THSD7B: variants seen among roughly 807,000 people sequenced by gnomAD.
THSD7B encodes the protein thrombospondin type 1 domain containing 7B, also known as thrombospondin type-1 domain-containing protein 7B.
THSD7B carries 138 observed loss-of-function variants against 213.6 expected under a neutral mutation model. The ratio of observed to expected loss-of-function variants is 0.65; its 90% confidence interval spans 0.56 to 0.74. The LOEUF is 0.74. Among genes scored for constraint, THSD7B ranks in the 30% least tolerant of loss-of-function variants. THSD7B has a pLI of 0.00. For missense variants in THSD7B, 1,931 were observed against 1,991.5 expected (o/e 0.97, Z 0.58); for synonymous variants, 742 against 687.0 (o/e 1.08, Z -1.25).
chr2:137,121,118 T>G (rs1688538886), intron 5 of THSD7B, among the ~76,000 whole-genome samples: 1 of 152,194 alleles, frequency 6.6e-6, no homozygotes, highest in African/African-American at 2.4e-5. Flanking sequence ...AGGAAATGTT[T>G]ATTGAATTAA....
chr2:136,900,346 T>G (rs485445), intron 2 of THSD7B, among the ~76,000 whole-genome samples: 65,643 of 151,946 alleles, frequency 0.43, 15,722 homozygotes, highest in Non-Finnish European at 0.55. Context: ...AGCTAAAAAG[T>G]TTCCTTTGGC....
chr2:137,649,243 T>G (rs1002708655), intron 21 of THSD7B, among the ~76,000 whole-genome samples: 1 of 152,176 alleles, frequency 6.6e-6, no homozygotes, highest in African/African-American at 2.4e-5. Context: ...CTTTGTTGAT[T>G]GTTTGCTATG....
At chr2:137,584,795 C>T (rs1681680230) in intron 17 of THSD7B, among the ~76,000 whole-genome samples, 1 of 152,074 alleles carries the variant, frequency 6.6e-6, no homozygotes, top group African/African-American at 2.4e-5. Flanking sequence ...GTCTAAAATT[C>T]TCTTTTTTTG....
chr2:137,424,420 A>C (rs1213531683), intron 14 of THSD7B, among the ~76,000 whole-genome samples: 1 of 152,196 alleles, frequency 6.6e-6, no homozygotes, highest in Non-Finnish European at 1.5e-5. Flanking sequence ...CGAAAAGGAC[A>C]CTATGAGAAA....
Position 137,397,589 on chromosome 2 carries a change from C to T in THSD7B, c.2501-8024C>T, listed in dbSNP as rs958936827. ...GTAACCCGACCTTTCTCTCTGGCTGCTCTTAACATTTTTTCCTTCATTTCA... is the reference window on the plus strand; with the variant it reads ...GTAACCCGACCTTTCTCTCTGGCTGTTCTTAACATTTTTTCCTTCATTTCA... On this transcript the variant is annotated intron_variant, in intron 12 of 27. Transcript: ENST00000409968. 9.1e-4 allele frequency among the ~76,000 whole-genome samples: 137 copies of T among 151,256 alleles called. 2 individuals carry two copies. The East Asian group carries it at 0.023, about 25-fold the overall frequency.
intron 17 of THSD7B, among the ~76,000 whole-genome samples, chr2:137,599,430 T>A (rs1375177068): frequency 2.6e-5 from 4 of 151,702 alleles, no homozygotes; most frequent in Non-Finnish European, 5.9e-5. Context: ...TCAAAACCAC[T>A]ATGAGATATC....
At chr2:137,351,665 T>A (rs1160938130) in intron 12 of THSD7B, among the ~76,000 whole-genome samples, 1 of 151,896 alleles carries the variant, frequency 6.6e-6, no homozygotes, top group Non-Finnish European at 1.5e-5. Context: ...GAAGCCTGGG[T>A]GGCTTTCAAC....
rs1687166104 is a variant in THSD7B, at chr2:137,056,551, A to G, written c.271A>G (p.Arg91Gly). 6.2e-7 allele frequency: 1 copy of G among 1,613,902 alleles called. No homozygotes were observed. Among genetic ancestry groups the G allele is most frequent in the Non-Finnish European group, 8.5e-7 (1 of 1,179,854 alleles). The part of the protein sequence containing the change: ...CGESNRPPKE[R>G]SCFRVCDWHS... ...TGAGAGCAACAGGCCTCCAAAGGAA[A>G]GAAGTTGTTTCCGAGTTTGTGACTG... Residue 91 changes from arginine (R) to glycine (G), a missense_variant, in exon 3 of 28, where the codon AGA becomes GGA. Arg to Gly is a moderately radical substitution (Grantham distance 125). Transcript: ENST00000409968.
intron 2 of THSD7B, among the ~76,000 whole-genome samples, chr2:136,929,170 G>T (rs747070271): frequency 6.6e-6 from 1 of 152,072 alleles, no homozygotes; most frequent in South Asian, 2.1e-4. Context: ...GAAATGTGTG[G>T]GATTGCCCGT....
At chr2:137,061,667 T>G (rs1389299886) in intron 3 of THSD7B, among the ~76,000 whole-genome samples, 1 of 151,888 alleles carries the variant, frequency 6.6e-6, no homozygotes, top group African/African-American at 2.4e-5. Flanking sequence ...TTACATTAAT[T>G]GATTTTCAAA....
At position 137,160,257 on chromosome 2, in the gene THSD7B, T is replaced by G. The variant is rs369365031; in HGVS notation, c.1414T>G (p.Leu472Val). The G allele has an allele frequency of 1.2e-6, 2 of 1,613,676 alleles. No homozygotes were observed. Among genetic ancestry groups the G allele is most frequent in the African/African-American group, 2.7e-5 (2 of 75,024 alleles). The stretch of plus-strand genomic sequence containing the variant: ...GGCATTATGTGTGGGACCCGCCCCG[T>G]TGCCCTCTCAGCTCTGCAATATCCC... Reference protein sequence around the residue: ...EKALCVGPAPLPSQLCNIPCS... With the variant: ...EKALCVGPAPVPSQLCNIPCS... The change falls in exon 6 of 28, where the codon TTG becomes GTG. Residue 472 changes from leucine (L) to valine (V), a missense_variant. Coordinates refer to ENST00000409968, the MANE Select transcript of THSD7B (RefSeq NM_001316349.2).
intron 17 of THSD7B, among the ~76,000 whole-genome samples, chr2:137,599,519 C>T (rs944305693): frequency 2.0e-5 from 3 of 151,426 alleles, no homozygotes; most frequent in Admixed American, 6.6e-5. Flanking sequence ...GAAATAGGAA[C>T]ACTTTTACAC....
intron 10 of THSD7B, among the ~76,000 whole-genome samples, chr2:137,245,766 A>G (rs1250164764): frequency 1.3e-5 from 2 of 152,164 alleles, no homozygotes; most frequent in Admixed American, 6.5e-5. Flanking sequence ...AAAGAGATAG[A>G]GGAGTGCGGA....
chr2:137,311,811 T>C (rs1683916049), intron 12 of THSD7B, among the ~76,000 whole-genome samples: 1 of 149,970 alleles, frequency 6.7e-6, no homozygotes, highest in Non-Finnish European at 1.5e-5. Flanking sequence ...ATTACATTTA[T>C]TGATTTGCGT....
intron 11 of THSD7B, among the ~76,000 whole-genome samples, chr2:137,273,869 T>A (rs1031880933): frequency 6.6e-6 from 1 of 152,036 alleles, no homozygotes; most frequent in African/African-American, 2.4e-5. Context: ...GCAAAAGAGC[T>A]CTCAAGGAAA....
At chr2:137,036,525 T>G (rs1034014146) in intron 2 of THSD7B, among the ~76,000 whole-genome samples, 44 of 152,188 alleles carry the variant, frequency 2.9e-4, no homozygotes, top group African/African-American at 1.0e-3. Context: ...TATTATGGCT[T>G]ATAAATATAA....
chr2:137,471,853 A>G (rs1425249130), intron 15 of THSD7B, among the ~76,000 whole-genome samples: 2 of 152,168 alleles, frequency 1.3e-5, no homozygotes, highest in African/African-American at 2.4e-5. Context: ...GGCAAAAGCC[A>G]AAAGGCAGTA....
chr2:136,817,384 A>G (rs1682492085), intron 1 of THSD7B, among the ~76,000 whole-genome samples: 1 of 147,526 alleles, frequency 6.8e-6, no homozygotes. Flanking sequence ...CCATTTGTCA[A>G]TTTTGTCTTT....
At chr2:137,430,102 C>T (rs1451310164) in intron 14 of THSD7B, among the ~76,000 whole-genome samples, 1 of 151,856 alleles carries the variant, frequency 6.6e-6, no homozygotes, top group Non-Finnish European at 1.5e-5. Flanking sequence ...AAGAAGTTAG[C>T]TGGGTGTGGT....
Sources: gnomAD v4.1 joint callset for allele counts (sites outside exome capture counted in the v4.1 genomes callset) on GRCh38, gnomAD v4.1.1 for gene constraint, MANE v1.5 for transcripts, NCBI Gene and HGNC (gene_info 2026-07-23, HGNC 2026-07-21) for gene names.